CHST9: variants seen among roughly 807,000 people sequenced by gnomAD.
CHST9 encodes the protein carbohydrate sulfotransferase 9.
Under a neutral mutation model 44.4 loss-of-function variants are expected in CHST9, and 41 were observed. The ratio of observed to expected loss-of-function variants is 0.92; its 90% CI spans 0.72 to 1.20. The LOEUF (loss-of-function observed/expected upper bound fraction) is 1.20. CHST9 is among the 50% of genes most tolerant of loss of function. CHST9 has a pLI of 0.00. For synonymous variants in CHST9, 171 were observed against 178.4 expected (o/e 0.96, Z 0.33); for missense variants, 504 against 516.5 (o/e 0.98, Z 0.23).
intron 1 of CHST9, among the ~76,000 whole-genome samples, chr18:27,170,432 T>C (rs2058825662): frequency 6.6e-6 from 1 of 152,192 alleles, no homozygotes; most frequent in Non-Finnish European, 1.5e-5. Flanking sequence ...TTGTATTAAA[T>C]GCCTGAGATA....
chr18:26,912,896 C>A lies in CHST9; in HGVS notation c.*3363G>T, dbSNP rs150599096. 6.3e-4 allele frequency: 96 copies of A among 152,282 alleles called. No individual in the cohort carries two copies. Among genetic ancestry groups the A allele is most frequent in the African/African-American group, 2.3e-3 (96 of 41,556 alleles). 9.4% of individuals were successfully genotyped at this position (152,282 alleles called of 1,614,324 possible). A position where few individuals can be genotyped will look rare whatever the true frequency, so the allele number is the denominator to read the frequency against. On this transcript the variant is annotated 3_prime_UTR_variant, in exon 6 of 6. Transcript: ENST00000618847. ...CTCAGGTAGTTGAGCTATAATTAAA[C>A]GCCTTTGGCCAATCCTTTTTCAAGT...
At chr18:27,104,456 G>A (rs1417323961) in intron 2 of CHST9, among the ~76,000 whole-genome samples, 4 of 152,158 alleles carry the variant, frequency 2.6e-5, no homozygotes, top group African/African-American at 9.7e-5. Context: ...CCTTAATGAA[G>A]ACCCTTTCCT....
At chr18:27,115,778 G>A (rs1463323240) in intron 2 of CHST9, among the ~76,000 whole-genome samples, 1 of 152,172 alleles carries the variant, frequency 6.6e-6, no homozygotes, top group Non-Finnish European at 1.5e-5. Flanking sequence ...CTCCCAAAGT[G>A]ATGAGATTAC....
intron 4 of CHST9, among the ~76,000 whole-genome samples, chr18:26,985,038 C>A (rs1433638287): frequency 2.0e-5 from 3 of 152,058 alleles, no homozygotes; most frequent in African/African-American, 7.2e-5. Context: ...CACATGTTCA[C>A]CAAAAGATAT....
chr18:26,941,492 A>G (rs1423624871), intron 5 of CHST9, among the ~76,000 whole-genome samples: 2 of 152,068 alleles, frequency 1.3e-5, no homozygotes, highest in African/African-American at 4.8e-5. Context: ...TTGATTTCGA[A>G]AGCATTTTTG....
intron 2 of CHST9, among the ~76,000 whole-genome samples, chr18:27,077,880 TTC>T (rs2057921071): frequency 6.6e-6 from 1 of 152,066 alleles, no homozygotes; most frequent in Non-Finnish European, 1.5e-5. Flanking sequence ...CTGTACAGGC[TTC>T]TGTTTTTGGG....
At chr18:27,184,904 A>C (rs1242422716) in intron 1 of CHST9, among the ~76,000 whole-genome samples, 1 of 148,704 alleles carries the variant, frequency 6.7e-6, no homozygotes, top group Non-Finnish European at 1.5e-5. Flanking sequence ...CCCGCCCCCC[A>C]CCTCCCGCCA....
Position 26,952,326 on chromosome 18 carries a change from C to G in CHST9, c.203-7960G>C, listed in dbSNP as rs2056260613. The G allele has an allele frequency of 1.2e-5, 6 of 509,264 alleles. No homozygotes were observed. In the Admixed American group the frequency reaches 1.2e-4, roughly 10 times the overall value. 31.5% of individuals were successfully genotyped at this position (509,264 alleles called of 1,614,324 possible). On this transcript the variant is annotated intron_variant, in intron 4 of 5. Coordinates refer to ENST00000618847, the MANE Select transcript of CHST9 (RefSeq NM_031422.6). ...ATCCCCATTGTGGATCTCAACTCCACCAACTATGTCCTCAGGCAGGTAGGA... is the reference window on the plus strand; with the variant it reads ...ATCCCCATTGTGGATCTCAACTCCAGCAACTATGTCCTCAGGCAGGTAGGA...
chr18:26,959,942 C>G (rs2056378285), intron 4 of CHST9, among the ~76,000 whole-genome samples: 3 of 151,968 alleles, frequency 2.0e-5, no homozygotes, highest in Non-Finnish European at 4.4e-5. Context: ...TTTGAAGATT[C>G]AGATGAGGGG....
intron 2 of CHST9, among the ~76,000 whole-genome samples, chr18:27,073,447 G>A (rs1223889956): frequency 6.6e-6 from 1 of 151,966 alleles, no homozygotes. Flanking sequence ...TCAAAGTGGG[G>A]AAGTGAAACC....
chr18:27,019,917 T>C (rs879667608), intron 4 of CHST9, among the ~76,000 whole-genome samples: 3 of 152,152 alleles, frequency 2.0e-5, no homozygotes, highest in Non-Finnish European at 4.4e-5. Flanking sequence ...GGGAGACATG[T>C]TGATTACAGG....
chr18:26,947,725 G>A (rs1158135870), intron 4 of CHST9, among the ~76,000 whole-genome samples: 3 of 152,154 alleles, frequency 2.0e-5, no homozygotes, highest in Admixed American at 6.5e-5. Context: ...TTAGAATAGC[G>A]ATCATTAAAA....
chr18:27,076,442 CTT>C (rs2057904974), intron 2 of CHST9, among the ~76,000 whole-genome samples: 1 of 152,144 alleles, frequency 6.6e-6, no homozygotes, highest in South Asian at 2.1e-4. Flanking sequence ...AGGAGAAACT[CTT>C]TAGAATTCTT....
At chr18:27,119,029 G>A (rs968594717) in intron 2 of CHST9, among the ~76,000 whole-genome samples, 2 of 150,944 alleles carry the variant, frequency 1.3e-5, no homozygotes, top group South Asian at 4.2e-4. Context: ...TTCTTTTTTT[G>A]GAACCAAAAC....
At position 26,955,284 on chromosome 18, in the gene CHST9, A is replaced by G. The variant is rs557426220; in HGVS notation, c.203-10918T>C. 5.3e-5 allele frequency among the ~76,000 whole-genome samples: 8 copies of G among 151,020 alleles called. No homozygotes were observed. The South Asian group carries it at 1.5e-3, about 28-fold the overall frequency. ...CATCATAGTTCTGTATTAGGAATAC[A>G]GTGTGCTCCAAATTATGGGAATTGA... is the stretch of plus-strand genomic sequence containing the variant. On this transcript the variant is annotated intron_variant, in intron 4 of 5. Coordinates refer to ENST00000618847, the MANE Select transcript of CHST9 (RefSeq NM_031422.6).
At chr18:27,017,236 TATGATGGGCTTCTTGG>T (rs2057165661) in intron 4 of CHST9, among the ~76,000 whole-genome samples, 1 of 152,244 alleles carries the variant, frequency 6.6e-6, no homozygotes, top group African/African-American at 2.4e-5. Flanking sequence ...ATTTCTGACT[TATGATGGGCTTCTTGG>T]GACATAACCC....
At chr18:27,145,625 T>A (rs1258723688) in intron 1 of CHST9, among the ~76,000 whole-genome samples, 1 of 152,248 alleles carries the variant, frequency 6.6e-6, no homozygotes, top group Admixed American at 6.5e-5. Flanking sequence ...AACATTTCAC[T>A]AGTGCTTTTG....
intron 4 of CHST9, among the ~76,000 whole-genome samples, chr18:26,973,003 G>A (rs1195968854): frequency 3.9e-5 from 6 of 152,280 alleles, no homozygotes; most frequent in African/African-American, 7.2e-5. Flanking sequence ...TTGGTCACTT[G>A]ATTACAACAA....
chr18:26,909,045 C>T lies in CHST9; in HGVS notation c.*7214G>A, dbSNP rs1355463098. 5 of 152,222 alleles carry T rather than the reference C, an allele frequency of 3.3e-5. No homozygotes were observed. The highest frequency in any genetic ancestry group is 1.2e-4 in the African/African-American group (5 of 41,458). 9.4% of individuals were successfully genotyped at this position (152,222 alleles called of 1,614,324 possible). On this transcript the variant is annotated 3_prime_UTR_variant, in exon 6 of 6. Transcript: ENST00000618847. The stretch of plus-strand genomic sequence containing the variant: ...AAACAGAGGAAAGTTTCCATTTCCC[C>T]ATTTCATTCTGAAAGCTTTCAAAAA...
Sources: allele counts gnomAD v4.1 joint callset (sites outside exome capture counted in the v4.1 genomes callset), GRCh38; gene constraint gnomAD v4.1.1; transcripts MANE v1.5; gene names NCBI Gene and HGNC (gene_info 2026-07-23, HGNC 2026-07-21).